Variants in RORA observed in about 807,000 individuals in gnomAD.
RORA encodes the protein RAR related orphan receptor A.
In RORA, 7 loss-of-function variants were observed where a neutral mutation model predicts 69.5. The observed-to-expected ratio is 0.10, with a 90% CI of 0.06 to 0.19. The LOEUF (loss-of-function observed/expected upper bound fraction) is 0.19. RORA is among the 10% of genes least tolerant of loss of function. RORA has a pLI of 1.00. For synonymous variants in RORA, 261 were observed against 240.8 expected (o/e 1.08, Z -0.78); for missense variants, 457 against 663.0 (o/e 0.69, Z 3.41).
At chr15:60,552,000 G>A (rs182112884) in intron 2 of RORA, among the ~76,000 whole-genome samples, 1 of 152,180 alleles carries the variant, frequency 6.6e-6, no homozygotes, top group Admixed American at 6.5e-5. Context: ...GTTGAACTTC[G>A]GTAGCCACAG....
intron 2 of RORA, among the ~76,000 whole-genome samples, chr15:60,632,713 A>C (rs575326347): frequency 2.0e-5 from 3 of 152,046 alleles, no homozygotes; most frequent in Non-Finnish European, 4.4e-5. Flanking sequence ...CGGGTGTCCT[A>C]CTTATCATTA....
chr15:60,840,801 G>A (rs78046057), intron 1 of RORA, among the ~76,000 whole-genome samples: 2,271 of 152,272 alleles, frequency 0.015, 70 homozygotes, highest in African/African-American at 0.051. Context: ...TCCTGTCTCC[G>A]TGGCCCGGCA....
chr15:60,498,872 A>C (rs2065243528), intron 10 of RORA, among the ~76,000 whole-genome samples: 1 of 151,604 alleles, frequency 6.6e-6, no homozygotes, highest in South Asian at 2.1e-4. Flanking sequence ...AAAAAAAAAA[A>C]ACAAGCAAAC....
intron 1 of RORA, among the ~76,000 whole-genome samples, chr15:60,914,881 G>A (rs530626531): frequency 2.0e-5 from 3 of 152,174 alleles, no homozygotes; most frequent in African/African-American, 7.2e-5. Flanking sequence ...GGCCATCCAG[G>A]AAGAAGCTTT....
chr15:61,199,102 G>A (rs2079872525), intron 1 of RORA, among the ~76,000 whole-genome samples: 1 of 152,162 alleles, frequency 6.6e-6, no homozygotes, highest in Non-Finnish European at 1.5e-5. Context: ...ATCAGACAAA[G>A]AAAAGTTAGC....
chr15:60,648,824 G>A (rs2070097194), intron 2 of RORA, among the ~76,000 whole-genome samples: 1 of 152,188 alleles, frequency 6.6e-6, no homozygotes, highest in African/African-American at 2.4e-5. Flanking sequence ...GGAGAGGGAA[G>A]CTTTCAGTAA....
intron 1 of RORA, among the ~76,000 whole-genome samples, chr15:61,087,869 C>G (rs1209738957): frequency 6.6e-6 from 1 of 152,132 alleles, no homozygotes; most frequent in East Asian, 1.9e-4. Flanking sequence ...GTTCTTTAAA[C>G]CTTTTGCTTT....
At position 60,627,174 on chromosome 15, in the gene RORA, G is replaced by A. The variant is rs1269010457; in HGVS notation, c.196+51483C>T. The A allele has an allele frequency of 2.8e-6, 4 of 1,429,982 alleles. No homozygotes were observed. In the African/African-American group the frequency reaches 4.2e-5, roughly 15 times the overall value. 88.6% of individuals were successfully genotyped at this position (1,429,982 alleles called of 1,614,324 possible). A position where few individuals can be genotyped will look rare whatever the true frequency, so the allele number is the denominator to read the frequency against. On this transcript the variant is annotated intron_variant, in intron 2 of 10. Coordinates refer to ENST00000335670, the MANE Select transcript of RORA (RefSeq NM_134261.3). The stretch of plus-strand genomic sequence containing the variant: ...GACTTTAAGCCAGACATTGGGTTGT[G>A]GGTGGTGGGGGGAGGGTACACAGTG...
chr15:61,186,301 T>C (rs1225884075), intron 1 of RORA, among the ~76,000 whole-genome samples: 1 of 152,122 alleles, frequency 6.6e-6, no homozygotes, highest in Non-Finnish European at 1.5e-5. Flanking sequence ...CCTGTAATTC[T>C]AAGACCCTGA....
intron 1 of RORA, among the ~76,000 whole-genome samples, chr15:60,889,841 AT>A (rs773291353): frequency 6.6e-6 from 1 of 152,250 alleles, no homozygotes; most frequent in Non-Finnish European, 1.5e-5. Flanking sequence ...AGAAACCAAT[AT>A]ACACTACTAC....
intron 1 of RORA, among the ~76,000 whole-genome samples, chr15:60,878,343 CA>C (rs35845582): frequency 6.3e-3 from 428 of 68,374 alleles, no homozygotes; most frequent in East Asian, 0.015. Flanking sequence ...GACTCTGTCT[CA>C]AAAAAAAAAA....
intron 1 of RORA, among the ~76,000 whole-genome samples, chr15:60,943,785 G>A (rs148443349): frequency 0.012 from 1,782 of 151,438 alleles, 31 homozygotes; most frequent in African/African-American, 0.035. Context: ...GCGTGGTAGC[G>A]TGTGCCTGTA....
chr15:60,599,945 A>G (rs2068776837), intron 2 of RORA, among the ~76,000 whole-genome samples: 1 of 152,218 alleles, frequency 6.6e-6, no homozygotes, highest in Non-Finnish European at 1.5e-5. Flanking sequence ...ACAGCACACC[A>G]AGGAAGAATA....
chr15:60,628,736 G>A (rs778781389), intron 2 of RORA, among the ~76,000 whole-genome samples: 1 of 152,148 alleles, frequency 6.6e-6, no homozygotes, highest in African/African-American at 2.4e-5. Context: ...CCCTTGGAGA[G>A]GTGAAGAAAG....
intron 1 of RORA, among the ~76,000 whole-genome samples, chr15:60,756,444 T>C (rs1358634537): frequency 6.6e-6 from 1 of 152,254 alleles, no homozygotes; most frequent in East Asian, 1.9e-4. Flanking sequence ...TTATAAAGAC[T>C]GTGCATCTGA....
At chr15:60,664,150 C>T (rs894465889) in intron 2 of RORA, among the ~76,000 whole-genome samples, 1 of 152,180 alleles carries the variant, frequency 6.6e-6, no homozygotes, top group Non-Finnish European at 1.5e-5. Context: ...TCCTGTCTCT[C>T]AAATCACCCC....
At chr15:61,026,300 T>C (rs1895808709) in intron 1 of RORA, among the ~76,000 whole-genome samples, 1 of 152,206 alleles carries the variant, frequency 6.6e-6, no homozygotes, top group Non-Finnish European at 1.5e-5. Context: ...AGCGAACGAG[T>C]TCACGAAATT....
intron 1 of RORA, among the ~76,000 whole-genome samples, chr15:60,831,274 T>C (rs902381506): frequency 6.6e-6 from 1 of 152,308 alleles, no homozygotes; most frequent in South Asian, 2.1e-4. Flanking sequence ...GGAGGTTACA[T>C]GGAGAGCTCA....
intron 1 of RORA, among the ~76,000 whole-genome samples, chr15:60,739,371 G>C (rs536367571): frequency 3.3e-4 from 50 of 152,230 alleles, no homozygotes; most frequent in African/African-American, 1.2e-3. Context: ...TCAGGCTTGA[G>C]ACCAGCCTAG....
Sources: gnomAD v4.1 joint callset for allele counts (sites outside exome capture counted in the v4.1 genomes callset) on GRCh38, gnomAD v4.1.1 for gene constraint, MANE v1.5 for transcripts, NCBI Gene and HGNC (gene_info 2026-07-23, HGNC 2026-07-21) for gene names.